The following TP63 variants were observed in gnomAD, a reference collection of about 807,000 sequenced individuals.
The protein encoded by TP63 is tumor protein p63, also known as tumor protein 63.
TP63 carries 17 observed loss-of-function variants against 82.8 expected under a neutral mutation model. The observed-to-expected ratio is 0.21, with a 90% CI of 0.14 to 0.31. TP63 has a LOEUF of 0.31. Among genes scored for constraint, TP63 ranks in the 10% least tolerant of loss-of-function variants. TP63 has a pLI of 1.00. For synonymous variants in TP63, 330 were observed against 321.7 expected, an observed-to-expected ratio of 1.03 and a Z score of -0.28; for missense variants, 648 against 895.3, an observed-to-expected ratio of 0.72 and a Z score of 3.52.
At chr3:189,629,378 G>A (rs1006228102), upstream of TP63, among the ~76,000 whole-genome samples, 11 of 152,042 alleles carry the variant, frequency 7.2e-5, no homozygotes, top group Non-Finnish European at 1.5e-4. Context: ...GCAAGAAGCT[G>A]TCTCAAAAAT....
rs1423161354 is a variant in TP63, at chr3:189,872,948, G to A, written c.1302G>A (p.Thr434=). The change falls in exon 10 of 14, where the codon ACG becomes ACA. Residue 434 remains threonine (T), a synonymous_variant. Coordinates refer to ENST00000264731, the MANE Select transcript of TP63 (RefSeq NM_003722.5). ...MQYLPQHTIE[T]YRQQQQQQHQ... ...ACCTTCCTCAGCACACAATTGAAAC[G>A]TACAGGCAACAGCAACAGCAGCAGC... 84 of 1,613,972 alleles carry A rather than the reference G, an allele frequency of 5.2e-5. No individual in the cohort carries two copies. Among genetic ancestry groups the A allele is most frequent in the Non-Finnish European group, 6.7e-5 (79 of 1,180,016 alleles).
At chr3:189,828,760 A>G (rs1208973916) in intron 4 of TP63, among the ~76,000 whole-genome samples, 3 of 152,366 alleles carry the variant, frequency 2.0e-5, no homozygotes, top group East Asian at 1.9e-4. Flanking sequence ...TATCTGTAAA[A>G]GAAACATATT....
intron 4 of TP63, among the ~76,000 whole-genome samples, chr3:189,827,396 A>G (rs945370625): frequency 6.6e-6 from 1 of 152,036 alleles, no homozygotes; most frequent in Non-Finnish European, 1.5e-5. Flanking sequence ...AGGAGTTCAG[A>G]GGCAGTAGCT....
intron 10 of TP63, chr3:189,880,815 C>G: frequency 1.0e-6 from 1 of 985,324 alleles, no homozygotes. Flanking sequence ...TATTTGTGTC[C>G]TCCCCTCATG....
chr3:189,888,464 G>T (rs962930092), intron 11 of TP63, among the ~76,000 whole-genome samples: 1 of 151,812 alleles, frequency 6.6e-6, no homozygotes. Context: ...TTTCTTATTT[G>T]TACTTTACAA....
At chr3:189,609,035 T>C in the TP63 span, among the ~76,000 whole-genome samples, 1 of 152,162 alleles carries the variant, frequency 6.6e-6, no homozygotes, top group African/African-American at 2.4e-5. Context: ...TCTCTTGCTG[T>C]CTAATTGAGA....
chr3:189,866,694 C>G lies in TP63; in HGVS notation c.779C>G (p.Pro260Arg). Residue 260 changes from proline to arginine, a missense_variant, in exon 6 of 14, where the codon CCT becomes CGT. Physicochemically the swap from Pro to Arg is moderately radical, Grantham distance 103. Coordinates refer to ENST00000264731, the MANE Select transcript of TP63 (RefSeq NM_003722.5). The part of the protein sequence containing the change: ...SREFNEGQIA[P>R]PSHLIRVEGN... ...TTCTGCTCTGCAGGACAGATTGCCC[C>G]TCCTAGTCATTTGATTCGAGTAGAG... 1 of 1,613,984 alleles carries G rather than the reference C, an allele frequency of 6.2e-7. No individual in the cohort carries two copies. The highest frequency in any genetic ancestry group is 8.5e-7 in the Non-Finnish European group (1 of 1,179,934).
chr3:189,837,972 T>A lies in TP63; in HGVS notation c.580-26260T>A, dbSNP rs189911418. 3.9e-4 allele frequency among the ~76,000 whole-genome samples: 59 copies of A among 152,340 alleles called. No individual in the cohort carries two copies. The East Asian group carries it at 0.011, about 28-fold the overall frequency. On this transcript the variant is annotated intron_variant, in intron 4 of 13. Coordinates refer to ENST00000264731, the MANE Select transcript of TP63 (RefSeq NM_003722.5). ...AAATTTCATTGCTTTTACAATTAAA[T>A]TTTAATTAGGCTGGAGATTATCTGG...
chr3:189,808,246 A>G lies in TP63; in HGVS notation c.325-26A>G, dbSNP rs371272795. ...ATGATCCGTGGCTTCAGCGGCTAAT[A>G]TTGGGGTTTCTGGGTGTCCTTGCAG... On this transcript the variant is annotated intron_variant, in intron 3 of 13. Transcript: ENST00000264731. The G allele has an allele frequency of 7.4e-6, 12 of 1,614,048 alleles. No homozygotes were observed. In the African/African-American group the frequency reaches 1.2e-4, roughly 16 times the overall value.
Position 189,890,525 on chromosome 3 carries a change from C to T in TP63, c.1653-264C>T, listed in dbSNP as rs11923292. 0.028 allele frequency among the ~76,000 whole-genome samples: 4,190 copies of T among 152,194 alleles called. 211 individuals are homozygous for T. Among genetic ancestry groups the T allele is most frequent in the African/African-American group, 0.095 (3,960 of 41,500 alleles). ...GTTCCTAGGACACTTACACAGAACC[C>T]TAGAATTCCACAGATCACCATATGA... On this transcript the variant is annotated intron_variant, in intron 12 of 13. Transcript: ENST00000264731.
chr3:189,811,153 C>T (rs1234391483), intron 4 of TP63, among the ~76,000 whole-genome samples: 1 of 152,138 alleles, frequency 6.6e-6, no homozygotes, highest in Non-Finnish European at 1.5e-5. Flanking sequence ...GCAAACTTAG[C>T]CAAGTCACTT....
chr3:189,640,734 C>T (rs1003541320), intron 1 of TP63, among the ~76,000 whole-genome samples: 2 of 152,106 alleles, frequency 1.3e-5, no homozygotes, highest in African/African-American at 4.8e-5. Flanking sequence ...CTTTTGACCT[C>T]CCTTCTTTTC....
At chr3:189,663,001 A>T (rs1437923460) in intron 1 of TP63, among the ~76,000 whole-genome samples, 1 of 141,306 alleles carries the variant, frequency 7.1e-6, no homozygotes, top group Non-Finnish European at 1.6e-5. Context: ...TGTGGCTTTC[A>T]TAAGTGCTCT....
the TP63 span, among the ~76,000 whole-genome samples, chr3:189,624,458 T>G: frequency 6.6e-6 from 1 of 152,160 alleles, no homozygotes; most frequent in Admixed American, 6.6e-5. Flanking sequence ...TTAAGAAGTT[T>G]ATACTCATAA....
chr3:189,639,223 C>T (rs1056268689), intron 1 of TP63, among the ~76,000 whole-genome samples: 1 of 152,080 alleles, frequency 6.6e-6, no homozygotes, highest in African/African-American at 2.4e-5. Flanking sequence ...AAGACTCTGT[C>T]TATGTAATTA....
chr3:189,831,045 G>A (rs749502730), intron 4 of TP63, among the ~76,000 whole-genome samples: 45 of 152,262 alleles, frequency 3.0e-4, no homozygotes, highest in Middle Eastern at 3.4e-3. Flanking sequence ...TAGTAACTGC[G>A]AGGGCAGCCT....
intron 4 of TP63, among the ~76,000 whole-genome samples, chr3:189,830,825 CACTT>C (rs1379091139): frequency 6.6e-6 from 1 of 152,168 alleles, no homozygotes; most frequent in Non-Finnish European, 1.5e-5. Context: ...AGCATATAGA[CACTT>C]AGTAAATATT....
chr3:189,703,832 A>G (rs1198891264), intron 1 of TP63, among the ~76,000 whole-genome samples: 7 of 152,194 alleles, frequency 4.6e-5, no homozygotes, highest in Non-Finnish European at 1.0e-4. Context: ...AGTTGTTGGG[A>G]AAACAGAGGC....
chr3:189,814,277 G>A (rs985164521), intron 4 of TP63, among the ~76,000 whole-genome samples: 4 of 152,192 alleles, frequency 2.6e-5, no homozygotes, highest in African/African-American at 9.7e-5. Context: ...AGGACAAGAT[G>A]TACAGACAAA....
Sources: allele counts gnomAD v4.1 joint callset (sites outside exome capture counted in the v4.1 genomes callset), GRCh38; gene constraint gnomAD v4.1.1; transcripts MANE v1.5; gene names NCBI Gene and HGNC (gene_info 2026-07-23, HGNC 2026-07-21).